GDPD1: variants seen among roughly 807,000 people sequenced by gnomAD.
GDPD1 encodes the protein glycerophosphodiester phosphodiesterase domain containing 1.
A neutral mutation model predicts 45.1 loss-of-function variants in GDPD1; 28 were observed. The observed-to-expected ratio is 0.62, with a 90% CI of 0.46 to 0.85. The LOEUF (loss-of-function observed/expected upper bound fraction) is 0.85, where lower values mean the gene tolerates loss of function less well. Ranked by LOEUF, GDPD1 falls within the 40% of genes least tolerant of loss-of-function variation. GDPD1 has a pLI of 0.00. For missense variants in GDPD1, 256 were observed against 364.8 expected, an observed-to-expected ratio of 0.70 and a Z score of 2.43; for synonymous variants, 139 against 131.4, an observed-to-expected ratio of 1.06 and a Z score of -0.40.
chr17:59,257,142 G>C lies in GDPD1; in HGVS notation c.388G>C (p.Asp130His), dbSNP rs1324790279. ...FQRACQCEGK[D>H]NRIPLLKEVF... is the part of the protein sequence containing the mutation. ...CTCAGCATGCCAGTGTGAAGGAAAAGATAACCGAATTCCATTACTGAAGGA... is the reference window on the plus strand; with the variant it reads ...CTCAGCATGCCAGTGTGAAGGAAAACATAACCGAATTCCATTACTGAAGGA... Residue 130 changes from aspartate to histidine, a missense_variant, in exon 5 of 10, where the codon GAT becomes CAT. Physicochemically the swap from Asp to His is moderately conservative, Grantham distance 81. Transcript: ENST00000284116. 5.6e-6 allele frequency: 9 copies of C among 1,595,414 alleles called. No individual in the cohort carries two copies. Among genetic ancestry groups the C allele is most frequent in the Non-Finnish European group, 7.7e-6 (9 of 1,169,232 alleles).
chr17:59,270,197 CT>C (rs763544418), intron 7 of GDPD1, among the ~76,000 whole-genome samples: 437 of 142,902 alleles, frequency 3.1e-3, no homozygotes, highest in Admixed American at 5.0e-3. Context: ...TTATTTTGTA[CT>C]TTTTTTTTTT....
chr17:59,254,132 C>T (rs1319481388), intron 4 of GDPD1, among the ~76,000 whole-genome samples: 1 of 150,980 alleles, frequency 6.6e-6, no homozygotes, highest in African/African-American at 2.4e-5. Flanking sequence ...GAGGCTGAGA[C>T]AGGCGGATCA....
intron 2 of GDPD1, among the ~76,000 whole-genome samples, chr17:59,243,857 C>A (rs1035821430): frequency 6.6e-6 from 1 of 152,060 alleles, no homozygotes; most frequent in African/African-American, 2.4e-5. Flanking sequence ...TGGCTCCATT[C>A]CCCTCATTTA....
intron 6 of GDPD1, 24 bp from the exon 7 acceptor site, chr17:59,267,017 T>G: frequency 6.3e-7 from 1 of 1,577,766 alleles, no homozygotes; most frequent in Non-Finnish European, 8.7e-7. Flanking sequence ...AAAAATAACA[T>G]GTAATATTGC....
intron 2 of GDPD1, among the ~76,000 whole-genome samples, chr17:59,235,279 T>G (rs186057520): frequency 3.9e-5 from 6 of 152,286 alleles, no homozygotes; most frequent in African/African-American, 1.4e-4. Context: ...TTTGAGCCAA[T>G]TAATGTATAT....
At chr17:59,263,883 A>G (rs2047378562) in intron 6 of GDPD1, among the ~76,000 whole-genome samples, 1 of 152,176 alleles carries the variant, frequency 6.6e-6, no homozygotes, top group African/African-American at 2.4e-5. Flanking sequence ...TGGGGCACAC[A>G]GTGGTAGTGG....
chr17:59,260,409 G>A (rs2047346482), intron 6 of GDPD1, among the ~76,000 whole-genome samples: 1 of 151,982 alleles, frequency 6.6e-6, no homozygotes, highest in Non-Finnish European at 1.5e-5. Flanking sequence ...GGGCATGGTG[G>A]TGCGCACCTG....
intron 4 of GDPD1, among the ~76,000 whole-genome samples, chr17:59,252,212 G>A (rs947727196): frequency 6.6e-6 from 1 of 151,848 alleles, no homozygotes; most frequent in Non-Finnish European, 1.5e-5. Flanking sequence ...CCAACATGGC[G>A]AAACCCTGTC....
Position 59,275,398 on chromosome 17 carries a change from T to A in GDPD1, c.*1625T>A. ...TTAATGGAACATTCTATTTGAGACCTTTTTCAGGTGTGTAGCAATTCTACC... is the reference window on the plus strand; with the variant it reads ...TTAATGGAACATTCTATTTGAGACCATTTTCAGGTGTGTAGCAATTCTACC... On this transcript the variant is annotated 3_prime_UTR_variant, in exon 10 of 10. Coordinates refer to ENST00000284116, the MANE Select transcript of GDPD1 (RefSeq NM_182569.4). The A allele has an allele frequency of 2.3e-6, 1 of 441,642 alleles. No individual in the cohort carries two copies. Among genetic ancestry groups the A allele is most frequent in the South Asian group, 3.1e-5 (1 of 31,932 alleles). The allele number at this position is 441,642 out of a possible 1,614,324, so 27.4% of individuals were successfully genotyped here.
intron 4 of GDPD1, among the ~76,000 whole-genome samples, chr17:59,250,785 C>T (rs2047247095): frequency 6.6e-6 from 1 of 152,064 alleles, no homozygotes; most frequent in African/African-American, 2.4e-5. Flanking sequence ...CTGCAACCTC[C>T]ACCTCCTGGG....
intron 3 of GDPD1, among the ~76,000 whole-genome samples, chr17:59,248,047 C>T (rs1367786003): frequency 4.0e-5 from 6 of 151,872 alleles, no homozygotes; most frequent in African/African-American, 1.4e-4. Context: ...ATAACGTTTT[C>T]TCTATTCTAA....
intron 4 of GDPD1, among the ~76,000 whole-genome samples, chr17:59,256,093 C>G (rs542020942): frequency 6.6e-6 from 1 of 151,644 alleles, no homozygotes; most frequent in South Asian, 2.1e-4. Flanking sequence ...CCGAGGCGGG[C>G]AGATCACTTG....
intron 6 of GDPD1, among the ~76,000 whole-genome samples, chr17:59,263,259 T>A (rs548154762): frequency 3.9e-5 from 6 of 152,068 alleles, no homozygotes; most frequent in Admixed American, 3.3e-4. Context: ...CTCAAACTCC[T>A]AGGCTCAAGC....
chr17:59,224,552 G>C (rs2047031331), intron 1 of GDPD1, among the ~76,000 whole-genome samples: 1 of 151,518 alleles, frequency 6.6e-6, no homozygotes, highest in African/African-American at 2.4e-5. Context: ...GTGAACCCGG[G>C]AGGCGGAGCT....
chr17:59,239,475 T>A (rs974082937), intron 2 of GDPD1, among the ~76,000 whole-genome samples: 1 of 152,116 alleles, frequency 6.6e-6, no homozygotes, highest in African/African-American at 2.4e-5. Context: ...AGTAGGTGCA[T>A]GTTGTTATTC....
In GDPD1 at chr17:59,275,327, C is replaced by G. The variant is rs2047473782; in HGVS notation, c.*1554C>G. 1.4e-6 allele frequency: 1 copy of G among 704,686 alleles called. No homozygotes were observed. The highest frequency in any genetic ancestry group is 1.8e-5 in the African/African-American group (1 of 55,796). The allele number at this position is 704,686 out of a possible 1,614,324, so 43.7% of individuals were successfully genotyped here. ...AGAAAATAAAAGTTGATTAGTTGAT[C>G]AGAAATAAAATCTGTAGAGTGAATT... On this transcript the variant is annotated 3_prime_UTR_variant, in exon 10 of 10. Coordinates refer to ENST00000284116, the MANE Select transcript of GDPD1 (RefSeq NM_182569.4).
At chr17:59,255,441 A>G (rs1465950859) in intron 4 of GDPD1, among the ~76,000 whole-genome samples, 3 of 151,210 alleles carry the variant, frequency 2.0e-5, no homozygotes, top group South Asian at 2.1e-4. Flanking sequence ...TGTCTCTACA[A>G]AAAATAAAAT....
At chr17:59,243,034 C>T (rs1026292531) in intron 2 of GDPD1, among the ~76,000 whole-genome samples, 2 of 151,864 alleles carry the variant, frequency 1.3e-5, no homozygotes, top group Non-Finnish European at 2.9e-5. Context: ...ACTCAAAATA[C>T]AAACATTAGC....
At chr17:59,239,580 T>C (rs2047159731) in intron 2 of GDPD1, among the ~76,000 whole-genome samples, 1 of 152,110 alleles carries the variant, frequency 6.6e-6, no homozygotes, top group Admixed American at 6.6e-5. Flanking sequence ...ACTAGAATAA[T>C]TTACAAGTTG....
Sources: gnomAD v4.1 joint callset for allele counts (sites outside exome capture counted in the v4.1 genomes callset) on GRCh38, gnomAD v4.1.1 for gene constraint, MANE v1.5 for transcripts, NCBI Gene and HGNC (gene_info 2026-07-23, HGNC 2026-07-21) for gene names.